The following CD99L2 variants were observed in gnomAD, a reference collection of about 807,000 sequenced individuals.
CD99L2 encodes CD99 molecule like 2.
CD99L2 carries 24 observed loss-of-function variants against 27.3 expected under a neutral mutation model. The ratio of observed to expected loss-of-function variants is 0.88; its 90% CI spans 0.64 to 1.24. The LOEUF (loss-of-function observed/expected upper bound fraction) is 1.24. CD99L2 is among the 50% of genes most tolerant of loss of function. The pLI, the probability that CD99L2 is intolerant of heterozygous loss-of-function variation, is 0.00. For missense variants in CD99L2, 255 were observed against 221.6 expected (o/e 1.15, Z -0.96); for synonymous variants, 97 against 87.9 (o/e 1.10, Z -0.58).
chrX:150,857,466 G>GA (rs1166811391), intron 1 of CD99L2, among the ~76,000 whole-genome samples: 17 of 102,916 alleles, frequency 1.7e-4, no homozygotes, highest in East Asian at 3.0e-4. Context: ...AATGCTGAAA[G>GA]AAAAAAAAAA....
At chrX:150,884,801 CTT>C (rs782175871) in intron 1 of CD99L2, among the ~76,000 whole-genome samples, 292 of 112,349 alleles carry the variant, frequency 2.6e-3, no homozygotes, top group African/African-American at 8.4e-3. Context: ...CCTAGAGAAA[CTT>C]TTGCACATCT....
At chrX:150,791,102 A>G (rs1157735816) in intron 7 of CD99L2, among the ~76,000 whole-genome samples, 1 of 111,875 alleles carries the variant, frequency 8.9e-6, no homozygotes, top group African/African-American at 3.3e-5. Context: ...CTCACTGGAT[A>G]CTGTATCTAT....
At position 150,769,089 on chromosome X, in the gene CD99L2, G is replaced by A. The variant is rs782300878; in HGVS notation, c.734C>T (p.Thr245Met). 8.6e-6 allele frequency: 10 copies of A among 1,162,979 alleles called. No homozygotes were observed. The highest frequency in any genetic ancestry group is 2.0e-5 in the South Asian group (1 of 49,473). Residue 245 changes from threonine to methionine, a missense_variant, in exon 11 of 11, where the codon ACG becomes ATG. Coordinates refer to ENST00000370377, the MANE Select transcript of CD99L2 (RefSeq NM_031462.4). ...VCEEPQVKYS[T>M]LHTQSAEPPP... ...CGGCTCTGCAGACTGCGTGTGCAACGTGGAGTATTTCACTAGGGGAAAAAG... is the reference window on the plus strand; with the variant it reads ...CGGCTCTGCAGACTGCGTGTGCAACATGGAGTATTTCACTAGGGGAAAAAG...
chrX:150,817,611 A>T (rs1267829677), intron 2 of CD99L2, among the ~76,000 whole-genome samples: 1 of 112,501 alleles, frequency 8.9e-6, no homozygotes, highest in Non-Finnish European at 1.9e-5. Flanking sequence ...GGAATGGGAA[A>T]GGCAAAGGTG....
At chrX:150,840,022 A>G (rs782288909) in intron 1 of CD99L2, among the ~76,000 whole-genome samples, 30 of 109,667 alleles carry the variant, frequency 2.7e-4, no homozygotes, top group Admixed American at 9.8e-4. Flanking sequence ...TGGGCAACAG[A>G]GTAAGACTCC....
intron 7 of CD99L2, among the ~76,000 whole-genome samples, chrX:150,784,705 A>G (rs193224631): frequency 1.2e-4 from 14 of 112,837 alleles, no homozygotes; most frequent in Admixed American, 1.2e-3. Flanking sequence ...TAGCCTTCAC[A>G]GGGAGGTGTG....
At position 150,843,735 on chromosome X, in the gene CD99L2, T is replaced by C. The variant is rs1027130611; in HGVS notation, c.68-12442A>G. ...ATAAGAAAGCATACCAGGGACATCT[T>C]AGTCTGGTAAATCATAGATGCATCA... On this transcript the variant is annotated intron_variant, in intron 1 of 10. Coordinates refer to ENST00000370377, the MANE Select transcript of CD99L2 (RefSeq NM_031462.4). Among the ~76,000 whole-genome samples the C allele has an allele frequency of 9.0e-5, 10 of 111,111 alleles. No individual in the cohort carries two copies. In the Admixed American group the frequency reaches 9.6e-4, roughly 11 times the overall value.
intron 4 of CD99L2, among the ~76,000 whole-genome samples, chrX:150,796,787 C>T (rs1419060254): frequency 8.9e-6 from 1 of 112,084 alleles, no homozygotes; most frequent in Non-Finnish European, 1.9e-5. Context: ...TGAAATTATG[C>T]AGAGAGGTAT....
intron 1 of CD99L2, among the ~76,000 whole-genome samples, chrX:150,837,541 C>A (rs1018104535): frequency 2.7e-5 from 3 of 112,143 alleles, no homozygotes; most frequent in Non-Finnish European, 5.6e-5. Flanking sequence ...AGCCACTGCA[C>A]CCGGCCTGGA....
chrX:150,875,941 A>G (rs2047222272), intron 1 of CD99L2, among the ~76,000 whole-genome samples: 2 of 112,339 alleles, frequency 1.8e-5, no homozygotes, highest in Non-Finnish European at 3.8e-5. Flanking sequence ...GCCCAGTCTC[A>G]GGTATGTCTT....
chrX:150,830,933 C>T (rs1485779066), intron 2 of CD99L2, among the ~76,000 whole-genome samples: 5 of 109,938 alleles, frequency 4.5e-5, no homozygotes, highest in East Asian at 2.8e-4. Flanking sequence ...CTCAGCCTCC[C>T]GAGTAGCTGG....
At chrX:150,798,004 T>C (rs1557419945) in intron 4 of CD99L2, among the ~76,000 whole-genome samples, 1 of 97,475 alleles carries the variant, frequency 1.0e-5, no homozygotes, top group Admixed American at 1.2e-4. Context: ...ACCACACCAC[T>C]GTACTCCAGC....
chrX:150,857,306 G>A (rs1300520647), intron 1 of CD99L2, among the ~76,000 whole-genome samples: 1 of 110,913 alleles, frequency 9.0e-6, no homozygotes, highest in African/African-American at 3.3e-5. Context: ...CTTTTCAATG[G>A]CACATTATAA....
At chrX:150,875,429 A>T (rs2047213895) in intron 1 of CD99L2, among the ~76,000 whole-genome samples, 1 of 111,915 alleles carries the variant, frequency 8.9e-6, no homozygotes, top group Non-Finnish European at 1.9e-5. Context: ...TCATGTAACC[A>T]CCACCATAGT....
At chrX:150,832,924 G>T (rs782283466) in intron 1 of CD99L2, among the ~76,000 whole-genome samples, 2 of 110,184 alleles carry the variant, frequency 1.8e-5, no homozygotes, top group Non-Finnish European at 3.8e-5. Flanking sequence ...GCATGGTGGC[G>T]GGTGCCTGTA....
At chrX:150,796,142 A>G (rs1328850034) in intron 4 of CD99L2, among the ~76,000 whole-genome samples, 7 of 112,397 alleles carry the variant, frequency 6.2e-5, no homozygotes, top group African/African-American at 2.3e-4. Context: ...GAGGGAAAAG[A>G]CAGAGACAGT....
chrX:150,860,037 T>C (rs1401079689), intron 1 of CD99L2, among the ~76,000 whole-genome samples: 5 of 110,959 alleles, frequency 4.5e-5, no homozygotes, highest in Non-Finnish European at 9.4e-5. Flanking sequence ...AAAAGAAAAC[T>C]ACAGGCCAAT....
chrX:150,852,278 T>A (rs1293570115), intron 1 of CD99L2, among the ~76,000 whole-genome samples: 1 of 111,072 alleles, frequency 9.0e-6, no homozygotes, highest in Non-Finnish European at 1.9e-5. Flanking sequence ...GGAGCTGTGG[T>A]TGTTTTCCAA....
At chrX:150,897,740 G>A (rs1213101084) in intron 1 of CD99L2, among the ~76,000 whole-genome samples, 2 of 111,732 alleles carry the variant, frequency 1.8e-5, no homozygotes, top group African/African-American at 6.5e-5. Flanking sequence ...ACCACAGACT[G>A]CATTTATTCT....
Sources: allele counts gnomAD v4.1 joint callset (sites outside exome capture counted in the v4.1 genomes callset), GRCh38; gene constraint gnomAD v4.1.1; transcripts MANE v1.5; gene names NCBI Gene and HGNC (gene_info 2026-07-23, HGNC 2026-07-21).